The following CLK3 variants were observed in gnomAD, a reference collection of about 807,000 sequenced individuals.
CLK3 encodes the protein CDC like kinase 3.
In CLK3, 24 loss-of-function variants were observed where a neutral mutation model predicts 65.2. That is an observed-to-expected ratio of 0.37 (90% CI 0.27 to 0.52). The LOEUF (loss-of-function observed/expected upper bound fraction) is 0.52. Among genes scored for constraint, CLK3 ranks in the 20% least tolerant of loss-of-function variants. The pLI is 0.92. For missense variants in CLK3, 506 were observed against 660.0 expected (o/e 0.77, Z 2.56); for synonymous variants, 252 against 240.8 (o/e 1.05, Z -0.43).
upstream of CLK3, chr15:74,613,548 C>T (rs2062017933): frequency 6.6e-6 from 1 of 152,162 alleles, no homozygotes; most frequent in African/African-American, 2.4e-5. Flanking sequence ...TGGGAGATGG[C>T]TTCTGTTCCA....
rs1279188682 is a variant in CLK3, at chr15:74,621,913, T to TGTC, written c.370-207_370-206insGTC. 1.6e-6 allele frequency: 1 copy of TGTC among 636,178 alleles called. No individual in the cohort carries two copies. Among genetic ancestry groups the TGTC allele is most frequent in the Non-Finnish European group, 2.9e-6 (1 of 340,024 alleles). The allele number at this position is 636,178 out of a possible 1,614,324, so 39.4% of individuals were successfully genotyped here. On this transcript the variant is annotated intron_variant, in intron 3 of 12. Coordinates refer to ENST00000395066, the MANE Select transcript of CLK3 (RefSeq NM_001130028.2). This position sits in a 1 kb window ranked among gnomAD's most constrained non-coding sequence, Gnocchi z 4.8. ...TTTACTTTTCTGTTTTTGAAGTCAGTTTGTGTCTTGACGTGTCCCTTGCAA... is the reference window on the plus strand; with the variant it reads ...TTTACTTTTCTGTTTTTGAAGTCAGTGTCTTGTGTCTTGACGTGTCCCTTGCAA...
intron 6 of CLK3, 111 bp downstream of exon 6, chr15:74,625,129 A>T (rs2062133465): frequency 1.3e-6 from 1 of 770,084 alleles, no homozygotes; most frequent in Non-Finnish European, 2.2e-6. Flanking sequence ...CCACACTCAG[A>T]ACCAGGGGAG....
chr15:74,629,527 G>C (rs1344593582), intron 12 of CLK3, 180 bp from the exon 13 acceptor site: 2 of 604,754 alleles, frequency 3.3e-6, no homozygotes, highest in East Asian at 5.5e-5. Context: ...CGAGCAAAAC[G>C]TTAAACAGGC....
intron 1 of CLK3, 108 bp downstream of exon 1, chr15:74,616,006 T>G (rs1175366199): frequency 1.2e-6 from 1 of 869,410 alleles, no homozygotes; most frequent in African/African-American, 1.7e-5. Context: ...CTCCCTTTCT[T>G]TCTCCTCTTC....
At chr15:74,629,391 C>A in intron 12 of CLK3, 1 of 532,472 alleles carries the variant, frequency 1.9e-6, no homozygotes, top group Non-Finnish European at 3.4e-6. Context: ...CAGGAAGCCT[C>A]TGTCAACTGC....
chr15:74,623,053 CCTT>C (rs1191785613), intron 5 of CLK3, among the ~76,000 whole-genome samples: 8 of 152,206 alleles, frequency 5.3e-5, no homozygotes, highest in African/African-American at 1.9e-4. Flanking sequence ...CAGGCTGCTG[CCTT>C]CTTCAGTGTG....
At position 74,615,903 on chromosome 15, in the gene CLK3, G is replaced by A; in HGVS notation, c.-1+5G>A. The A allele has an allele frequency of 1.6e-6, 2 of 1,252,444 alleles. No homozygotes were observed. Among genetic ancestry groups the A allele is most frequent in the South Asian group, 3.4e-5 (1 of 29,704 alleles). The allele number at this position is 1,252,444 out of a possible 1,614,324, so 77.6% of individuals were successfully genotyped here. Reference sequence around the variant, plus strand: ...GCAGCCGGAGCCTGGGAGACGGTAAGTGTGGGCTGGGGTCCGCGGCGGCGA... The same window carrying A: ...GCAGCCGGAGCCTGGGAGACGGTAAATGTGGGCTGGGGTCCGCGGCGGCGA... On this transcript the variant is annotated splice_donor_5th_base_variant and intron_variant, in intron 1 of 12. Coordinates refer to ENST00000395066, the MANE Select transcript of CLK3 (RefSeq NM_001130028.2).
At chr15:74,613,385 G>A (rs922469737), upstream of CLK3, 1 of 152,278 alleles carries the variant, frequency 6.6e-6, no homozygotes, top group Admixed American at 6.5e-5. Flanking sequence ...TCTGAGGTGG[G>A]GATGGGAGTG....
intron 3 of CLK3, 161 bp downstream of exon 3, chr15:74,620,386 C>G: frequency 1.0e-6 from 1 of 992,006 alleles, no homozygotes; most frequent in Non-Finnish European, 1.5e-6. Flanking sequence ...AGGTGTAGGG[C>G]TGATCACAGG....
rs750987503 is a variant in CLK3, at chr15:74,622,231, C to T, written c.466+15C>T. The T allele has an allele frequency of 6.2e-7, 1 of 1,606,954 alleles. No individual in the cohort carries two copies. The highest frequency in any genetic ancestry group is 1.7e-5 in the Admixed American group (1 of 59,934). On this transcript the variant is annotated intron_variant, in intron 4 of 12. Coordinates refer to ENST00000395066, the MANE Select transcript of CLK3 (RefSeq NM_001130028.2). This position sits in a 1 kb window ranked among gnomAD's most constrained non-coding sequence, Gnocchi z 4.6. Reference sequence around the variant, plus strand: ...CCAAGAGCGATGTACAGCCACCTTTCGTAAAACTTTACCTCTCTACTTTCT... The same window carrying T: ...CCAAGAGCGATGTACAGCCACCTTTTGTAAAACTTTACCTCTCTACTTTCT...
upstream of CLK3, among the ~76,000 whole-genome samples, chr15:74,614,521 A>C (rs1021348544): frequency 1.3e-5 from 2 of 152,198 alleles, no homozygotes; most frequent in Non-Finnish European, 2.9e-5. Context: ...GTTTTGAATT[A>C]GCTTCTGTTG....
Position 74,627,274 on chromosome 15 carries a change from G to T in CLK3, c.818-78G>T. ...GGACCTCTGGCAGTTGCTGGCATTG[G>T]AAGAGGGGTCTGGCCTAGAGCTGGC... On this transcript the variant is annotated intron_variant, in intron 7 of 12. Coordinates refer to ENST00000395066, the MANE Select transcript of CLK3 (RefSeq NM_001130028.2). This position sits in a 1 kb window ranked among gnomAD's most constrained non-coding sequence, Gnocchi z 4.3. The T allele has an allele frequency of 1.8e-6, 2 of 1,133,786 alleles. No homozygotes were observed. The highest frequency in any genetic ancestry group is 1.3e-6 in the Non-Finnish European group (1 of 744,600). The allele number at this position is 1,133,786 out of a possible 1,614,324, so 70.2% of individuals were successfully genotyped here.
At chr15:74,613,703 A>C (rs1254561467), upstream of CLK3, among the ~76,000 whole-genome samples, 1 of 152,120 alleles carries the variant, frequency 6.6e-6, no homozygotes, top group Admixed American at 6.5e-5. Flanking sequence ...TTCTCTGAGA[A>C]CATCCATCCC....
In CLK3 at chr15:74,621,745, C is replaced by T. The variant is rs935745882; in HGVS notation, c.370-375C>T. Reference sequence around the variant, plus strand: ...TGGGAGGGTCTGGGAGGGAGAGACTCGGAGGAGGAGGAGGAGGGAGTCGGG... The same window carrying T: ...TGGGAGGGTCTGGGAGGGAGAGACTTGGAGGAGGAGGAGGAGGGAGTCGGG... On this transcript the variant is annotated intron_variant, in intron 3 of 12. Transcript: ENST00000395066. The surrounding 1 kb of genome is among the most constrained non-coding windows in gnomAD (Gnocchi z 4.8). 2.5e-5 allele frequency: 9 copies of T among 354,192 alleles called. No individual in the cohort carries two copies. In the East Asian group the frequency reaches 3.7e-4, roughly 14 times the overall value. 21.9% of individuals were successfully genotyped at this position (354,192 alleles called of 1,614,324 possible).
intron 1 of CLK3, among the ~76,000 whole-genome samples, chr15:74,616,207 C>T (rs961847866): frequency 1.3e-5 from 2 of 152,230 alleles, no homozygotes; most frequent in Admixed American, 1.3e-4. Context: ...GTAGAAGAGC[C>T]AGAGAAGCCC....
At position 74,620,137 on chromosome 15, in the gene CLK3, G is replaced by C. The variant is rs1411782408; in HGVS notation, c.281G>C (p.Arg94Pro). 6.2e-7 allele frequency: 1 copy of C among 1,614,000 alleles called. No homozygotes were observed. Among genetic ancestry groups the C allele is most frequent in the Non-Finnish European group, 8.5e-7 (1 of 1,180,046 alleles). The part of the protein sequence containing the change: ...YGPSRSRHRR[R>P]SRERGPYRTR... ...CCTTCACGTTCTCGTCATCGTCGGCGATCGCGGGAGAGGGGGCCATACCGG... is the reference window on the plus strand; with the variant it reads ...CCTTCACGTTCTCGTCATCGTCGGCCATCGCGGGAGAGGGGGCCATACCGG... The change falls in exon 3 of 13, where the codon CGA becomes CCA. Residue 94 changes from arginine to proline, a missense_variant. Physicochemically the swap from Arg to Pro is moderately radical, Grantham distance 103. This residue lies in a region of CLK3 where 181 missense variants were observed against 159.4 expected (regional missense o/e 1.14). Coordinates refer to ENST00000395066, the MANE Select transcript of CLK3 (RefSeq NM_001130028.2).
At position 74,620,025 on chromosome 15, in the gene CLK3, T is replaced by C; in HGVS notation, c.169T>C (p.Tyr57His). The C allele has an allele frequency of 6.2e-7, 1 of 1,614,140 alleles. No individual in the cohort carries two copies. Among genetic ancestry groups the C allele is most frequent in the Non-Finnish European group, 8.5e-7 (1 of 1,180,016 alleles). ...TTTTGGCAGCCATGACCGCCTGCCC[T>C]ACCAGAGGAGGTACCGGGAGCGCCG... ...SRSRSHDRLP[Y>H]QRRYRERRDS... Residue 57 changes from tyrosine (Y) to histidine (H), a missense_variant, in exon 3 of 13, where the codon TAC (tyrosine) becomes CAC (histidine). Tyr to His is a moderately conservative substitution (Grantham distance 83). This residue lies in a region of CLK3 where 181 missense variants were observed against 159.4 expected (regional missense o/e 1.14). Coordinates refer to ENST00000395066, the MANE Select transcript of CLK3 (RefSeq NM_001130028.2).
At position 74,627,362 on chromosome 15, in the gene CLK3, G is replaced by T; in HGVS notation, c.828G>T (p.Glu276Asp). Residue 276 changes from glutamate to aspartate, a missense_variant, in exon 8 of 13, where the codon GAG becomes GAT. This residue lies in a region of CLK3 where 325 missense variants were observed against 500.5 expected (regional missense o/e 0.65). Transcript: ENST00000395066. The surrounding 1 kb of genome is among the most constrained non-coding windows in gnomAD (Gnocchi z 4.3). ...QLCHALRFLH[E>D]NQLTHTDLKP... ...TCCCTGCTACCTTAGTTCTGCATGA[G>T]AATCAGCTGACCCATACAGACTTGA... The T allele has an allele frequency of 6.2e-7, 1 of 1,613,910 alleles. No homozygotes were observed. Among genetic ancestry groups the T allele is most frequent in the South Asian group, 1.1e-5 (1 of 91,044 alleles).
chr15:74,628,121 TG>T, intron 10 of CLK3, 69 bp downstream of exon 10: 1 of 1,061,720 alleles, frequency 9.4e-7, no homozygotes, highest in African/African-American at 1.6e-5. Context: ...GCCACTGGGG[TG>T]GGAAGCCCCA....
Sources: allele counts gnomAD v4.1 joint callset (sites outside exome capture counted in the v4.1 genomes callset), GRCh38; gene constraint gnomAD v4.1.1; regional missense constraint gnomAD v4.1.1; non-coding constraint Gnocchi (gnomAD v3.1); transcripts MANE v1.5; gene names NCBI Gene and HGNC (gene_info 2026-07-23, HGNC 2026-07-21).